SPRING1: variants seen among roughly 807,000 people sequenced by gnomAD.
SPRING1 encodes the protein SREBP regulating gene protein.
Under a neutral mutation model 24.7 loss-of-function variants are expected in SPRING1, and 14 were observed. The ratio of observed to expected loss-of-function variants is 0.57; its 90% CI spans 0.37 to 0.88. SPRING1 has a LOEUF of 0.88. Ranked by LOEUF, SPRING1 falls within the 40% of genes least tolerant of loss-of-function variation. The pLI is 0.00. For missense variants in SPRING1, 255 were observed against 268.4 expected (o/e 0.95, Z 0.35); for synonymous variants, 93 against 106.1 (o/e 0.88, Z 0.76).
At chr12:116,727,800 G>C (rs1013100335) in intron 1 of SPRING1, among the ~76,000 whole-genome samples, 1 of 152,120 alleles carries the variant, frequency 6.6e-6, no homozygotes, top group African/African-American at 2.4e-5. Flanking sequence ...TATGAACAGT[G>C]GATGCCTCTG....
chr12:116,717,846 G>T lies in SPRING1; in HGVS notation c.582C>A (p.Cys194Ter). The T allele has an allele frequency of 6.2e-7, 1 of 1,607,852 alleles. No homozygotes were observed. Among genetic ancestry groups the T allele is most frequent in the Non-Finnish European group, 8.5e-7 (1 of 1,177,354 alleles). Residue 194 changes from cysteine (C) to a stop codon, truncating the protein, a stop_gained, in exon 5 of 5, where the codon TGC (cysteine) becomes TGA (stop). Coordinates refer to ENST00000261318, the MANE Select transcript of SPRING1 (RefSeq NM_024738.4). LOFTEE classifies it high-confidence loss of function. This position sits in a 1 kb window ranked among gnomAD's most constrained non-coding sequence, Gnocchi z 4.2. ...AGAGCTCGGGCGGGCTTTCTCCATAGCAATACTTTGCTATGGGGTCCCGGT... is the reference window on the plus strand; with the variant it reads ...AGAGCTCGGGCGGGCTTTCTCCATATCAATACTTTGCTATGGGGTCCCGGT... ...NTYRDPIAKYCYGESPPELFP... is the reference protein window; with the variant it reads ...NTYRDPIAKY
At chr12:116,727,317 C>T (rs1870751185) in intron 1 of SPRING1, among the ~76,000 whole-genome samples, 1 of 152,212 alleles carries the variant, frequency 6.6e-6, no homozygotes, top group Non-Finnish European at 1.5e-5. Flanking sequence ...TGCTGTGACA[C>T]ATGTCCACAT....
rs984333629 is a variant in SPRING1, at chr12:116,710,322, T to C, written c.*7488A>G. ...GCTGGGAATCTAATTTGGCACAATT[T>C]AATTTCTTTGTAAGTTCATACATTT... On this transcript the variant is annotated 3_prime_UTR_variant, in exon 5 of 5. Transcript: ENST00000261318. 12 of 152,230 alleles carry C rather than the reference T, an allele frequency of 7.9e-5. No homozygotes were observed. The highest frequency in any genetic ancestry group is 2.4e-4 in the African/African-American group (10 of 41,460). The allele number at this position is 152,230 out of a possible 1,614,324, so 9.4% of individuals were successfully genotyped here.
At chr12:116,725,743 G>A (rs1460434839) in intron 1 of SPRING1, among the ~76,000 whole-genome samples, 8 of 152,066 alleles carry the variant, frequency 5.3e-5, no homozygotes, top group Non-Finnish European at 1.2e-4. Flanking sequence ...AAAATTAGCT[G>A]GGCGTGGTGG....
chr12:116,723,356 C>T, intron 1 of SPRING1, 133 bp from the exon 2 acceptor site: 1 of 1,074,514 alleles, frequency 9.3e-7, no homozygotes, highest in African/African-American at 1.6e-5. Context: ...TCTGCCCTCT[C>T]CTGGTACAAG....
intron 1 of SPRING1, among the ~76,000 whole-genome samples, chr12:116,737,247 C>G (rs765364553): frequency 2.0e-5 from 3 of 152,184 alleles, no homozygotes; most frequent in Non-Finnish European, 2.9e-5. Context: ...CGCACCTCTC[C>G]CCACCCTCGG....
chr12:116,710,197 G>C lies in SPRING1; in HGVS notation c.*7613C>G, dbSNP rs1456637086. ...TATTTTAAAATAATATGGACAGCAG[G>C]GTCCTACCTTTATTTACATACAAAT... On this transcript the variant is annotated 3_prime_UTR_variant, in exon 5 of 5. Transcript: ENST00000261318. 1.3e-5 allele frequency: 2 copies of C among 152,122 alleles called. No individual in the cohort carries two copies. Among genetic ancestry groups the C allele is most frequent in the African/African-American group, 4.8e-5 (2 of 41,424 alleles). 9.4% of individuals were successfully genotyped at this position (152,122 alleles called of 1,614,324 possible). A position where few individuals can be genotyped will look rare whatever the true frequency, so the allele number is the denominator to read the frequency against.
At chr12:116,731,855 C>T (rs1870992234) in intron 1 of SPRING1, among the ~76,000 whole-genome samples, 1 of 152,160 alleles carries the variant, frequency 6.6e-6, no homozygotes, top group African/African-American at 2.4e-5. Context: ...ATGGGTAAGC[C>T]GAGGGGTTCT....
rs1373424934 is a variant in SPRING1 at position 116,728,956 on chromosome 12, T to C, written c.112-5733A>G. Among the ~76,000 whole-genome samples, 1 of 152,226 alleles carries C rather than the reference T, an allele frequency of 6.6e-6. No individual in the cohort carries two copies. The highest frequency in any genetic ancestry group is 1.5e-5 in the Non-Finnish European group (1 of 68,036). On this transcript the variant is annotated intron_variant, in intron 1 of 4. Coordinates refer to ENST00000261318, the MANE Select transcript of SPRING1 (RefSeq NM_024738.4). The surrounding 1 kb of genome is among the most constrained non-coding windows in gnomAD (Gnocchi z 4.2). Reference sequence around the variant, plus strand: ...GAGGACCTCAATATGTGGGTTTATGTGAGTTATGGCTATTGATGCTTACCA... The same window carrying C: ...GAGGACCTCAATATGTGGGTTTATGCGAGTTATGGCTATTGATGCTTACCA...
intron 1 of SPRING1, among the ~76,000 whole-genome samples, chr12:116,736,231 GTATT>G (rs1871214310): frequency 6.6e-6 from 1 of 152,138 alleles, no homozygotes; most frequent in African/African-American, 2.4e-5. Flanking sequence ...GATCACCTGA[GTATT>G]TAAACAATGG....
chr12:116,721,570 G>A (rs1870437799), intron 2 of SPRING1, among the ~76,000 whole-genome samples: 1 of 152,212 alleles, frequency 6.6e-6, no homozygotes. Flanking sequence ...AGATACTTGG[G>A]AATCGGTGCC....
chr12:116,731,619 C>G (rs1870980178), intron 1 of SPRING1, among the ~76,000 whole-genome samples: 1 of 152,022 alleles, frequency 6.6e-6, no homozygotes, highest in South Asian at 2.1e-4. Context: ...GTGTGGTTGC[C>G]CACGCCTGTA....
chr12:116,718,562 T>G (rs1042076975), intron 4 of SPRING1, among the ~76,000 whole-genome samples: 3 of 152,350 alleles, frequency 2.0e-5, no homozygotes, highest in East Asian at 3.9e-4. Flanking sequence ...TTAACAGACA[T>G]ATAGCCAAGT....
At chr12:116,736,382 G>C (rs1871221138) in intron 1 of SPRING1, among the ~76,000 whole-genome samples, 1 of 152,158 alleles carries the variant, frequency 6.6e-6, no homozygotes, top group African/African-American at 2.4e-5. Context: ...GAAAACACAA[G>C]TCACAGAAGT....
At chr12:116,729,504 A>G (rs1870870104) in intron 1 of SPRING1, among the ~76,000 whole-genome samples, 6 of 152,272 alleles carry the variant, frequency 3.9e-5, no homozygotes, top group Admixed American at 3.9e-4. Flanking sequence ...AAACATGTCC[A>G]CATGAAAACT....
At chr12:116,722,729 G>A (rs900393933) in intron 2 of SPRING1, among the ~76,000 whole-genome samples, 7 of 152,094 alleles carry the variant, frequency 4.6e-5, no homozygotes, top group African/African-American at 1.2e-4. Context: ...GTTCACCCTC[G>A]AGATGAGAAA....
chr12:116,725,864 C>A (rs543897902), intron 1 of SPRING1, among the ~76,000 whole-genome samples: 12 of 149,720 alleles, frequency 8.0e-5, no homozygotes, highest in African/African-American at 2.7e-4. Context: ...CCAGCCTGGG[C>A]GACAAAGTGA....
chr12:116,720,213 C>A lies in SPRING1; in HGVS notation c.420+83G>T. On this transcript the variant is annotated intron_variant, in intron 3 of 4. Transcript: ENST00000261318. The surrounding 1 kb of genome is among the most constrained non-coding windows in gnomAD (Gnocchi z 4.0). ...TTCTAAGTTTTATTTTCAGAGGAATCTCACATGAAGAGCCTAATGCTCATC... is the reference window on the plus strand; with the variant it reads ...TTCTAAGTTTTATTTTCAGAGGAATATCACATGAAGAGCCTAATGCTCATC... The A allele has an allele frequency of 6.9e-7, 1 of 1,449,870 alleles. No homozygotes were observed. The allele number at this position is 1,449,870 out of a possible 1,614,324, so 89.8% of individuals were successfully genotyped here.
rs1307386229 is a variant in SPRING1, at chr12:116,723,172, G to T, written c.163C>A (p.Gln55Lys). ...RNLLQVHDHN[Q>K]PIPWKVQFNL... ...AACTGCACTTTCCACGGGATGGGCT[G>T]ATTATGGTCATGAACCTGGAGGAGA... is the stretch of plus-strand genomic sequence containing the variant. Residue 55 changes from glutamine to lysine, a missense_variant, in exon 2 of 5, where the codon CAG becomes AAG. Physicochemically the swap from Gln to Lys is moderately conservative, Grantham distance 53. Transcript: ENST00000261318. 1 of 1,613,928 alleles carries T rather than the reference G, an allele frequency of 6.2e-7. No homozygotes were observed. The highest frequency in any genetic ancestry group is 8.5e-7 in the Non-Finnish European group (1 of 1,180,046).
Sources: gnomAD v4.1 joint callset for allele counts (sites outside exome capture counted in the v4.1 genomes callset) on GRCh38, gnomAD v4.1.1 for gene constraint, Gnocchi (gnomAD v3.1) non-coding constraint, MANE v1.5 for transcripts, NCBI Gene and HGNC (gene_info 2026-07-23, HGNC 2026-07-21) for gene names.